Variants in OR9Q1 observed in about 807,000 individuals in gnomAD.
OR9Q1 encodes olfactory receptor 9Q1.
For synonymous variants in OR9Q1, 153 were observed against 148.6 expected (o/e 1.03, Z -0.22); for missense variants, 374 against 378.8 (o/e 0.99, Z 0.11).
chr11:58,060,844 G>A (rs1395139064), intron 2 of OR9Q1, among the ~76,000 whole-genome samples: 1 of 151,874 alleles, frequency 6.6e-6, no homozygotes, highest in East Asian at 1.9e-4. Flanking sequence ...AGTGTGGCCT[G>A]TTTATTGAGG....
chr11:58,122,962 GT>G (rs57528065), intron 2 of OR9Q1, among the ~76,000 whole-genome samples: 22 of 144,988 alleles, frequency 1.5e-4, no homozygotes, highest in South Asian at 4.4e-4. Flanking sequence ...GGTAAATTTT[GT>G]TTTTTTTTTC....
intron 2 of OR9Q1, among the ~76,000 whole-genome samples, chr11:58,089,752 T>G (rs1853666832): frequency 6.6e-6 from 1 of 151,842 alleles, no homozygotes; most frequent in Admixed American, 6.6e-5. Flanking sequence ...GCAGTATGAC[T>G]ATTGTTGTGA....
intron 2 of OR9Q1, among the ~76,000 whole-genome samples, chr11:58,163,320 C>T (rs2119928356): frequency 6.6e-6 from 1 of 152,180 alleles, no homozygotes; most frequent in Non-Finnish European, 1.5e-5. Flanking sequence ...AAATTTCAGC[C>T]CTGGTCTCTA....
chr11:58,085,206 AT>A (rs1590579898), intron 2 of OR9Q1, among the ~76,000 whole-genome samples: 1 of 151,776 alleles, frequency 6.6e-6, no homozygotes, highest in Admixed American at 6.6e-5. Context: ...AGAATAACAC[AT>A]TTTTCTATAT....
chr11:58,028,067 C>T (rs1390524353), intron 1 of OR9Q1, among the ~76,000 whole-genome samples: 1 of 149,248 alleles, frequency 6.7e-6, no homozygotes, highest in Non-Finnish European at 1.5e-5. Context: ...GGCCCTGGGG[C>T]AGATGGTGGG....
intron 2 of OR9Q1, among the ~76,000 whole-genome samples, chr11:58,163,176 C>T (rs1164654065): frequency 6.6e-6 from 1 of 152,122 alleles, no homozygotes; most frequent in East Asian, 1.9e-4. Context: ...GCTCAAATGC[C>T]ACTTCCTTGG....
chr11:58,107,653 T>C (rs1198994026), intron 2 of OR9Q1, among the ~76,000 whole-genome samples: 1 of 152,120 alleles, frequency 6.6e-6, no homozygotes, highest in African/African-American at 2.4e-5. Flanking sequence ...GGTCAGTTGG[T>C]ATTTCTGGTT....
intron 1 of OR9Q1, among the ~76,000 whole-genome samples, chr11:58,034,313 T>C (rs990085563): frequency 1.3e-5 from 2 of 151,930 alleles, no homozygotes; most frequent in Non-Finnish European, 2.9e-5. Flanking sequence ...GGTCTCGATC[T>C]TCTGACCTCG....
intron 2 of OR9Q1, among the ~76,000 whole-genome samples, chr11:58,120,803 CATATATATATATAT>C (rs61634454): frequency 1.5e-5 from 2 of 132,684 alleles, no homozygotes; most frequent in African/African-American, 5.7e-5. Flanking sequence ...ATTTCAATAC[CATATATATATATAT>C]ATATATATAT....
chr11:58,040,955 G>C (rs1380137001), intron 1 of OR9Q1: 1 of 152,256 alleles, frequency 6.6e-6, no homozygotes, highest in Non-Finnish European at 1.5e-5. Context: ...CATGTGGGCA[G>C]GTATGAAGGA....
intron 1 of OR9Q1, among the ~76,000 whole-genome samples, chr11:58,025,005 C>A (rs2441954): frequency 1.4e-4 from 21 of 152,168 alleles, no homozygotes; most frequent in Admixed American, 6.5e-5. Context: ...TTGATCTTGC[C>A]CAAGTTTACT....
intron 2 of OR9Q1, among the ~76,000 whole-genome samples, chr11:58,122,837 T>G (rs1460075656): frequency 1.3e-5 from 2 of 152,174 alleles, no homozygotes; most frequent in African/African-American, 4.8e-5. Context: ...TAGAAATATA[T>G]GTATATTAAA....
intron 2 of OR9Q1, chr11:58,118,607 C>T (rs753901062): frequency 1.2e-6 from 2 of 1,614,026 alleles, no homozygotes; most frequent in African/African-American, 1.3e-5. Context: ...GGGATGACCA[C>T]TGTATAGAAG....
At chr11:58,141,930 G>A (rs1854253653) in intron 2 of OR9Q1, among the ~76,000 whole-genome samples, 1 of 152,234 alleles carries the variant, frequency 6.6e-6, no homozygotes, top group South Asian at 2.1e-4. Context: ...ATGTTGCCTG[G>A]AACATGTCTC....
intron 2 of OR9Q1, among the ~76,000 whole-genome samples, chr11:58,062,040 A>AT (rs1565065177): frequency 1.3e-5 from 2 of 152,338 alleles, no homozygotes; most frequent in East Asian, 3.9e-4. Flanking sequence ...AATGACTAGT[A>AT]TAGGTAGGAA....
intron 1 of OR9Q1, among the ~76,000 whole-genome samples, chr11:58,039,996 A>G (rs900819917): frequency 6.6e-6 from 1 of 152,222 alleles, no homozygotes; most frequent in Non-Finnish European, 1.5e-5. Flanking sequence ...TTAACACCTC[A>G]TTGATAATAT....
intron 1 of OR9Q1, among the ~76,000 whole-genome samples, chr11:58,037,764 G>A (rs1166785674): frequency 6.7e-5 from 8 of 119,642 alleles, no homozygotes; most frequent in Non-Finnish European, 1.3e-4. Flanking sequence ...AGTCGCCCAG[G>A]CTGGGATGCA....
intron 2 of OR9Q1, among the ~76,000 whole-genome samples, chr11:58,123,979 T>G (rs1854063000): frequency 1.3e-5 from 2 of 152,194 alleles, no homozygotes; most frequent in Admixed American, 1.3e-4. Context: ...GAACCTCAAT[T>G]TTTTCAATAA....
chr11:58,168,478 T>C (rs1854525605), intron 2 of OR9Q1, among the ~76,000 whole-genome samples: 1 of 152,218 alleles, frequency 6.6e-6, no homozygotes, highest in Non-Finnish European at 1.5e-5. Context: ...CTTCAGGTCA[T>C]ATTTAATTTT....
Sources: allele counts gnomAD v4.1 joint callset (sites outside exome capture counted in the v4.1 genomes callset), GRCh38; gene constraint gnomAD v4.1.1; transcripts MANE v1.5; gene names NCBI Gene and HGNC (gene_info 2026-07-23, HGNC 2026-07-21).